ST3GAL1: variants seen among roughly 807,000 people sequenced by gnomAD.
ST3GAL1 encodes CMP-N-acetylneuraminate-beta-galactosamide-alpha-2,3-sialyltransferase 1.
In ST3GAL1, 16 loss-of-function variants were observed where a neutral mutation model predicts 34.1. The observed-to-expected ratio is 0.47, with a 90% CI of 0.32 to 0.71. The LOEUF is 0.71. ST3GAL1 is among the 30% of genes least tolerant of loss of function. The pLI is 0.04. For synonymous variants in ST3GAL1, 191 were observed against 184.7 expected (o/e 1.03, Z -0.28); for missense variants, 353 against 447.4 (o/e 0.79, Z 1.90).
chr8:133,507,576 T>C (rs1179201708), intron 2 of ST3GAL1, among the ~76,000 whole-genome samples: 2 of 151,952 alleles, frequency 1.3e-5, no homozygotes, highest in African/African-American at 2.4e-5. Context: ...GATGAGATAA[T>C]ATAGGCCAAG....
At chr8:133,476,130 G>A (rs1190746964) in intron 4 of ST3GAL1, 56 bp from the exon 5 acceptor site, 1 of 1,289,548 alleles carries the variant, frequency 7.8e-7, no homozygotes, top group Non-Finnish European at 1.1e-6. Flanking sequence ...CAATCAAAAG[G>A]GATGGCAGGA....
At position 133,458,084 on chromosome 8, in the gene ST3GAL1, C is replaced by T. The variant is rs1815366581; in HGVS notation, c.*1680G>A. ...CCTAGCCTGAGAATAAATCCAAGTC[C>T]ACAATGAGGAAGAAGGAAGGTTGGG... is the stretch of plus-strand genomic sequence containing the variant. On this transcript the variant is annotated 3_prime_UTR_variant, in exon 10 of 10. Transcript: ENST00000522652. The T allele has an allele frequency of 6.6e-6, 1 of 152,194 alleles. No homozygotes were observed. Among genetic ancestry groups the T allele is most frequent in the Admixed American group, 6.5e-5 (1 of 15,274 alleles). The allele number at this position is 152,194 out of a possible 1,614,324, so 9.4% of individuals were successfully genotyped here. A position where few individuals can be genotyped will look rare whatever the true frequency, so the allele number is the denominator to read the frequency against.
intron 3 of ST3GAL1, among the ~76,000 whole-genome samples, chr8:133,486,832 G>A (rs938563007): frequency 5.3e-5 from 8 of 152,230 alleles, no homozygotes; most frequent in East Asian, 1.9e-4. Context: ...TTCAGAAGCC[G>A]AGGCCAGTCA....
chr8:133,493,662 T>A (rs376792690), intron 3 of ST3GAL1, among the ~76,000 whole-genome samples: 25 of 152,274 alleles, frequency 1.6e-4, no homozygotes, highest in African/African-American at 5.8e-4. Flanking sequence ...CTGGCCAATA[T>A]GGCGAAATCC....
At chr8:133,493,334 C>A (rs2130981824) in intron 3 of ST3GAL1, among the ~76,000 whole-genome samples, 1 of 152,332 alleles carries the variant, frequency 6.6e-6, no homozygotes, top group East Asian at 1.9e-4. Flanking sequence ...GAAACGAAGA[C>A]TGGAAGGGCA....
At chr8:133,560,103 T>A (rs1819173432) in intron 1 of ST3GAL1, among the ~76,000 whole-genome samples, 1 of 152,222 alleles carries the variant, frequency 6.6e-6, no homozygotes, top group African/African-American at 2.4e-5. Context: ...TATTTTCAAA[T>A]AGCTAGAAGA....
chr8:133,546,661 G>C (rs60800537), intron 1 of ST3GAL1, among the ~76,000 whole-genome samples: 3 of 152,066 alleles, frequency 2.0e-5, no homozygotes, highest in Non-Finnish European at 2.9e-5. Flanking sequence ...GTGACATCGG[G>C]GTTAGGATAA....
intron 2 of ST3GAL1, among the ~76,000 whole-genome samples, chr8:133,507,063 A>T (rs1817365666): frequency 6.6e-6 from 1 of 152,216 alleles, no homozygotes; most frequent in African/African-American, 2.4e-5. Flanking sequence ...GCCTCAGAAG[A>T]TTATAGGCAG....
rs1815663499 is a variant in ST3GAL1 at position 133,464,766 on chromosome 8, G to A, written c.683+12C>T. 6.2e-7 allele frequency: 1 copy of A among 1,609,122 alleles called. No homozygotes were observed. The highest frequency in any genetic ancestry group is 1.1e-5 in the South Asian group (1 of 90,562). On this transcript the variant is annotated intron_variant, in intron 7 of 9. Transcript: ENST00000522652. ...GGCAGAGCAGCGAGGCGGGGCCACA[G>A]GAGGGACTCACTGGGAAATGGTGCC... is the stretch of plus-strand genomic sequence containing the variant.
intron 2 of ST3GAL1, among the ~76,000 whole-genome samples, chr8:133,529,198 C>A (rs905198469): frequency 6.6e-6 from 1 of 152,212 alleles, no homozygotes; most frequent in African/African-American, 2.4e-5. Flanking sequence ...GCCCTCTTGC[C>A]ACAGTGCTTA....
chr8:133,527,796 G>A (rs1045087610), intron 2 of ST3GAL1, among the ~76,000 whole-genome samples: 4 of 152,084 alleles, frequency 2.6e-5, no homozygotes, highest in Non-Finnish European at 4.4e-5. Context: ...ACCCCAGCTC[G>A]CATCATAACT....
Position 133,458,310 on chromosome 8 carries a change from A to G in ST3GAL1, c.*1454T>C, listed in dbSNP as rs554966203. The G allele has an allele frequency of 6.6e-6, 1 of 152,094 alleles. No individual in the cohort carries two copies. 9.4% of individuals were successfully genotyped at this position (152,094 alleles called of 1,614,324 possible). A position where few individuals can be genotyped will look rare whatever the true frequency, so the allele number is the denominator to read the frequency against. On this transcript the variant is annotated 3_prime_UTR_variant, in exon 10 of 10. Transcript: ENST00000522652. ...AAACAATGTCAGTTGAATAAAAAAA[A>G]GAAATCAATAAATAATCAGGAAGGC...
rs1382080950 is a variant in ST3GAL1, at chr8:133,458,912, G to T, written c.*852C>A. ...TTTTTTTTTTTTTTTCAGAGACAGG[G>T]TCTCACTCTGTTGCCCAGGCTGGAG... On this transcript the variant is annotated 3_prime_UTR_variant, in exon 10 of 10. Coordinates refer to ENST00000522652, the MANE Select transcript of ST3GAL1 (RefSeq NM_173344.3). 2 of 149,928 alleles carry T rather than the reference G, an allele frequency of 1.3e-5. No homozygotes were observed. Among genetic ancestry groups the T allele is most frequent in the Non-Finnish European group, 3.0e-5 (2 of 67,754 alleles). The allele number at this position is 149,928 out of a possible 1,614,324, so 9.3% of individuals were successfully genotyped here. A position where few individuals can be genotyped will look rare whatever the true frequency, so the allele number is the denominator to read the frequency against.
chr8:133,570,859 C>G lies in ST3GAL1; in HGVS notation c.-582+834G>C, dbSNP rs1819548325. Among the ~76,000 whole-genome samples the G allele has an allele frequency of 6.6e-6, 1 of 152,218 alleles. No individual in the cohort carries two copies. Among genetic ancestry groups the G allele is most frequent in the African/African-American group, 2.4e-5 (1 of 41,460 alleles). On this transcript the variant is annotated intron_variant, in intron 1 of 9. Transcript: ENST00000522652. The surrounding 1 kb of genome is among the most constrained non-coding windows in gnomAD (Gnocchi z 5.6). Reference sequence around the variant, plus strand: ...CCTGCCCCCACGCAGGTCACACACACGAGAGACACAGGCAAGTTGCTAACT... The same window carrying G: ...CCTGCCCCCACGCAGGTCACACACAGGAGAGACACAGGCAAGTTGCTAACT...
intron 1 of ST3GAL1, among the ~76,000 whole-genome samples, chr8:133,550,812 C>T (rs1818816523): frequency 1.3e-5 from 2 of 152,330 alleles, no homozygotes; most frequent in Admixed American, 1.3e-4. Context: ...CACGCTTCCA[C>T]CATCCACAGC....
chr8:133,521,322 G>A lies in ST3GAL1; in HGVS notation c.-428-22133C>T, dbSNP rs576529834. On this transcript the variant is annotated intron_variant, in intron 2 of 9. Transcript: ENST00000522652. ...CTAATTTTTGGGGGTTTTTTGAGAC[G>A]GAATCTTGCTCTATTGCCCAGGCTA... 3.2e-4 allele frequency among the ~76,000 whole-genome samples: 47 copies of A among 146,130 alleles called. No individual in the cohort carries two copies. The Middle Eastern group carries it at 0.011, about 35-fold the overall frequency.
At chr8:133,517,513 G>A (rs1817682689) in intron 2 of ST3GAL1, among the ~76,000 whole-genome samples, 1 of 152,094 alleles carries the variant, frequency 6.6e-6, no homozygotes, top group Non-Finnish European at 1.5e-5. Flanking sequence ...ACCCACTTTG[G>A]CTAATTTTGT....
chr8:133,549,980 AAC>A (rs1223943052), intron 1 of ST3GAL1, among the ~76,000 whole-genome samples: 1 of 152,104 alleles, frequency 6.6e-6, no homozygotes, highest in Non-Finnish European at 1.5e-5. Context: ...AAAACAAACA[AAC>A]AAACAAACAA....
chr8:133,509,581 G>C (rs1196870813), intron 2 of ST3GAL1, among the ~76,000 whole-genome samples: 1 of 152,284 alleles, frequency 6.6e-6, no homozygotes, highest in African/African-American at 2.4e-5. Flanking sequence ...CATGTGAGGA[G>C]AGCGGAGCTC....
Sources: allele counts gnomAD v4.1 joint callset (sites outside exome capture counted in the v4.1 genomes callset), GRCh38; gene constraint gnomAD v4.1.1; non-coding constraint Gnocchi (gnomAD v3.1); transcripts MANE v1.5; gene names NCBI Gene and HGNC (gene_info 2026-07-23, HGNC 2026-07-21).